Variants in SCLT1 observed in about 807,000 individuals in gnomAD.
SCLT1 encodes sodium channel-associated protein 1.
A neutral mutation model predicts 112.8 loss-of-function variants in SCLT1; 78 were observed. The ratio of observed to expected loss-of-function variants is 0.69; its 90% CI spans 0.58 to 0.83. The LOEUF is 0.83. Ranked by LOEUF, SCLT1 falls within the 40% of genes least tolerant of loss-of-function variation. The pLI, the probability that SCLT1 is intolerant of heterozygous loss-of-function variation, is 0.00. For synonymous variants in SCLT1, 257 were observed against 254.7 expected, an observed-to-expected ratio of 1.01 and a Z score of -0.09; for missense variants, 747 against 770.4, an observed-to-expected ratio of 0.97 and a Z score of 0.36.
In SCLT1 at chr4:128,990,525, T is replaced by C. The variant is rs190949914; in HGVS notation, c.686+1642A>G. On this transcript the variant is annotated intron_variant, in intron 9 of 20. Coordinates refer to ENST00000281142, the MANE Select transcript of SCLT1 (RefSeq NM_144643.4). ...AAAACTGAAAGCCTTTCTGCTAATA[T>C]CTGGAACAAGACAAGGATACCTACT... 2.4e-4 allele frequency among the ~76,000 whole-genome samples: 37 copies of C among 151,848 alleles called. 1 individual carries two copies. Among genetic ancestry groups the C allele is most frequent in the Admixed American group, 2.4e-3 (36 of 15,234 alleles).
chr4:128,982,299 G>A (rs1282929542), intron 9 of SCLT1, among the ~76,000 whole-genome samples: 3 of 152,136 alleles, frequency 2.0e-5, no homozygotes, highest in Non-Finnish European at 4.4e-5. Context: ...AAGTGTGCAT[G>A]AGATGAAATG....
chr4:128,985,648 G>A lies in SCLT1; in HGVS notation c.686+6519C>T, dbSNP rs541049642. Among the ~76,000 whole-genome samples, 5 of 152,214 alleles carry A rather than the reference G, an allele frequency of 3.3e-5. No individual in the cohort carries two copies. In the East Asian group the frequency reaches 9.6e-4, roughly 29 times the overall value. ...GTTGTCTTTTCATTTGACTTATATT[G>A]TTTTTGTAACAGAAGCCTAATATCT... is the stretch of plus-strand genomic sequence containing the variant. On this transcript the variant is annotated intron_variant, in intron 9 of 20. Coordinates refer to ENST00000281142, the MANE Select transcript of SCLT1 (RefSeq NM_144643.4).
At chr4:128,942,894 C>CAA in intron 17 of SCLT1, 102 bp downstream of exon 17, 3 of 749,970 alleles carry the variant, frequency 4.0e-6, no homozygotes, top group Non-Finnish European at 6.4e-6. Context: ...GATGAGAAGG[C>CAA]AAAAAAAAAG....
chr4:129,010,824 C>A (rs1744453502), intron 5 of SCLT1, among the ~76,000 whole-genome samples: 1 of 152,054 alleles, frequency 6.6e-6, no homozygotes, highest in Admixed American at 6.6e-5. Flanking sequence ...GCTTTTATGC[C>A]AAGACTATGA....
chr4:128,994,005 A>C (rs1390740345), intron 8 of SCLT1, among the ~76,000 whole-genome samples: 1 of 152,128 alleles, frequency 6.6e-6, no homozygotes, highest in African/African-American at 2.4e-5. Flanking sequence ...GTAAAGAAAG[A>C]TATTTATTTG....
intron 9 of SCLT1, among the ~76,000 whole-genome samples, chr4:128,979,015 C>A (rs1225161721): frequency 6.6e-6 from 1 of 152,116 alleles, no homozygotes; most frequent in Non-Finnish European, 1.5e-5. Context: ...ATGTTAATAA[C>A]AACTCCCAAA....
At chr4:128,908,874 G>C (rs756046822) in intron 18 of SCLT1, among the ~76,000 whole-genome samples, 21 of 152,170 alleles carry the variant, frequency 1.4e-4, no homozygotes, top group Non-Finnish European at 2.9e-4. Flanking sequence ...CACTCTAGTA[G>C]AGCCTTCCTG....
rs1258181834 is a variant in SCLT1 at position 128,959,712 on chromosome 4, G to T, written c.935C>A (p.Thr312Asn). Residue 312 changes from threonine to asparagine, a missense_variant, in exon 12 of 21, where the codon ACC (threonine) becomes AAC (asparagine). Coordinates refer to ENST00000281142, the MANE Select transcript of SCLT1 (RefSeq NM_144643.4). ...RTENTHLEKQ[T>N]RELQAKCNEL... ...ATTGCACTTTGCTTGTAGCTCTCTG[G>T]TCTGTTTTTCCAGATGTGTATTTTC... 1 of 1,613,236 alleles carries T rather than the reference G, an allele frequency of 6.2e-7. No individual in the cohort carries two copies. The highest frequency in any genetic ancestry group is 8.5e-7 in the Non-Finnish European group (1 of 1,179,596).
chr4:129,087,464 C>G (rs1752490422), intron 1 of SCLT1, among the ~76,000 whole-genome samples: 1 of 150,302 alleles, frequency 6.7e-6, no homozygotes, highest in African/African-American at 2.5e-5. Context: ...GATACTAAAA[C>G]CAGACAAAAA....
At chr4:129,068,764 C>G (rs2125747774) in intron 2 of SCLT1, among the ~76,000 whole-genome samples, 1 of 152,272 alleles carries the variant, frequency 6.6e-6, no homozygotes, top group South Asian at 2.1e-4. Context: ...AGTACAAAAG[C>G]CCTTTAGTTT....
In SCLT1 at chr4:129,026,766, G is replaced by T. The variant is rs889770500; in HGVS notation, c.290+12275C>A. Reference sequence around the variant, plus strand: ...AAAAAATTAATGAATCCAGGAGCTGGTTTTTTGAAAGGATCAACAAAATTG... The same window carrying T: ...AAAAAATTAATGAATCCAGGAGCTGTTTTTTTGAAAGGATCAACAAAATTG... On this transcript the variant is annotated intron_variant, in intron 5 of 20. Transcript: ENST00000281142. Among the ~76,000 whole-genome samples, 5 of 152,116 alleles carry T rather than the reference G, an allele frequency of 3.3e-5. No individual in the cohort carries two copies. In the South Asian group the frequency reaches 6.2e-4, roughly 19 times the overall value.
At chr4:128,954,647 T>G (rs537371226) in intron 13 of SCLT1, among the ~76,000 whole-genome samples, 1 of 152,316 alleles carries the variant, frequency 6.6e-6, no homozygotes, top group South Asian at 2.1e-4. Flanking sequence ...ATGTAGACTT[T>G]TCCTATGAAT....
At chr4:129,022,867 A>G (rs1400194890) in intron 5 of SCLT1, among the ~76,000 whole-genome samples, 1 of 152,184 alleles carries the variant, frequency 6.6e-6, no homozygotes, top group Admixed American at 6.5e-5. Flanking sequence ...GGTTGAAATG[A>G]AGGAAAAAAT....
chr4:128,878,279 C>G (rs542771369), intron 3 of SCLT1, among the ~76,000 whole-genome samples: 2 of 152,280 alleles, frequency 1.3e-5, no homozygotes, highest in Admixed American at 6.5e-5. Flanking sequence ...CTCACTACTA[C>G]TTGGCTTATA....
At chr4:128,991,005 C>G (rs988308349) in intron 9 of SCLT1, among the ~76,000 whole-genome samples, 1 of 151,628 alleles carries the variant, frequency 6.6e-6, no homozygotes, top group African/African-American at 2.4e-5. Flanking sequence ...TCCATAGTAC[C>G]CAAAGCAATC....
chr4:129,087,983 A>T (rs1011776236), intron 1 of SCLT1, among the ~76,000 whole-genome samples: 1 of 151,644 alleles, frequency 6.6e-6, no homozygotes, highest in Non-Finnish European at 1.5e-5. Context: ...GCTTCTCAGG[A>T]GGCTGAGGCA....
intron 5 of SCLT1, among the ~76,000 whole-genome samples, chr4:129,027,872 T>A (rs1475882778): frequency 6.6e-6 from 1 of 152,158 alleles, no homozygotes; most frequent in Non-Finnish European, 1.5e-5. Flanking sequence ...AGTATTCTTA[T>A]ACACCAATAA....
At chr4:128,996,765 C>T (rs752916514) in intron 8 of SCLT1, among the ~76,000 whole-genome samples, 20 of 151,990 alleles carry the variant, frequency 1.3e-4, no homozygotes, top group Non-Finnish European at 2.8e-4. Context: ...TTAGCTCTGA[C>T]CTGGAACCAT....
intron 5 of SCLT1, chr4:128,873,687 C>A (rs1410930305): frequency 6.6e-6 from 1 of 152,236 alleles, no homozygotes; most frequent in Non-Finnish European, 1.5e-5. Context: ...GAATTATGGG[C>A]CTTTGGAACA....
Sources: gnomAD v4.1 joint callset for allele counts (sites outside exome capture counted in the v4.1 genomes callset) on GRCh38, gnomAD v4.1.1 for gene constraint, MANE v1.5 for transcripts, NCBI Gene and HGNC (gene_info 2026-07-23, HGNC 2026-07-21) for gene names.